Variants in NRXN1 observed in about 807,000 individuals in gnomAD.
The protein encoded by NRXN1 is neurexin-1.
A neutral mutation model predicts 150.9 loss-of-function variants in NRXN1; 39 were observed. The observed-to-expected ratio is 0.26, with a 90% CI of 0.20 to 0.34. NRXN1 has a LOEUF of 0.34. NRXN1 is among the 10% of genes least tolerant of loss of function. The pLI is 1.00. For synonymous variants in NRXN1, 924 were observed against 757.0 expected, an observed-to-expected ratio of 1.22 and a Z score of -3.62; for missense variants, 1,815 against 1,949.9, an observed-to-expected ratio of 0.93 and a Z score of 1.30.
intron 17 of NRXN1, among the ~76,000 whole-genome samples, chr2:50,411,294 C>T (rs964660471): frequency 1.3e-5 from 2 of 152,198 alleles, no homozygotes; most frequent in African/African-American, 4.8e-5. Flanking sequence ...TCCCGAGGTG[C>T]CGGGATTGCA....
intron 18 of NRXN1, among the ~76,000 whole-genome samples, chr2:50,118,627 A>G (rs542346782): frequency 6.6e-6 from 1 of 152,102 alleles, no homozygotes; most frequent in East Asian, 1.9e-4. Context: ...TCTGTGTTTG[A>G]TTTTACTTCC....
At position 50,208,825 on chromosome 2, in the gene NRXN1, A is replaced by G. The variant is rs917069356; in HGVS notation, c.3546+27964T>C. 2.0e-5 allele frequency among the ~76,000 whole-genome samples: 3 copies of G among 152,174 alleles called. No individual in the cohort carries two copies. In the South Asian group the frequency reaches 6.2e-4, roughly 31 times the overall value. ...AAGCTATCTTTCAAAACGTGCTAAC[A>G]TTCTTGCGTTAACACATTTGATGTT... On this transcript the variant is annotated intron_variant, in intron 18 of 22. Coordinates refer to ENST00000401669, the MANE Select transcript of NRXN1 (RefSeq NM_001330078.2).
intron 15 of NRXN1, among the ~76,000 whole-genome samples, chr2:50,479,761 C>CTTTTTCTT (rs2090303110): frequency 2.9e-5 from 2 of 69,002 alleles, no homozygotes; most frequent in African/African-American, 1.1e-4. Flanking sequence ...TAATCCATTT[C>CTTTTTCTT]TTTTTCTTTT....
chr2:50,973,057 G>T (rs1247669714), intron 2 of NRXN1, among the ~76,000 whole-genome samples: 1 of 152,132 alleles, frequency 6.6e-6, no homozygotes, highest in Non-Finnish European at 1.5e-5. Context: ...TGTCTTCCGT[G>T]TCTGTTTTCC....
chr2:50,712,449 T>C (rs1004978156), intron 5 of NRXN1, among the ~76,000 whole-genome samples: 2 of 152,222 alleles, frequency 1.3e-5, no homozygotes, highest in Non-Finnish European at 2.9e-5. Context: ...CAGCTCAGAC[T>C]CTTGCCCAGT....
At chr2:50,817,389 G>A (rs888287061) in intron 5 of NRXN1, among the ~76,000 whole-genome samples, 1 of 151,880 alleles carries the variant, frequency 6.6e-6, no homozygotes, top group Admixed American at 6.6e-5. Flanking sequence ...GAAAAGCCCA[G>A]ATGAGATGGT....
intron 8 of NRXN1, among the ~76,000 whole-genome samples, chr2:50,554,010 T>C (rs1188653278): frequency 6.6e-6 from 1 of 152,178 alleles, no homozygotes; most frequent in Non-Finnish European, 1.5e-5. Flanking sequence ...ATTTCTAAAA[T>C]ACATAGACCA....
At chr2:50,569,184 C>T (rs181377832) in intron 8 of NRXN1, among the ~76,000 whole-genome samples, 1 of 151,908 alleles carries the variant, frequency 6.6e-6, no homozygotes, top group Admixed American at 6.6e-5. Context: ...TTAATGGGAA[C>T]AAAAATATAA....
chr2:50,028,292 T>C (rs1573494371), intron 21 of NRXN1, among the ~76,000 whole-genome samples: 1 of 152,202 alleles, frequency 6.6e-6, no homozygotes, highest in Admixed American at 6.5e-5. Flanking sequence ...GCACATTTCT[T>C]CTTTAAAGAC....
chr2:50,040,409 G>T (rs1166313360), intron 21 of NRXN1, among the ~76,000 whole-genome samples: 1 of 151,318 alleles, frequency 6.6e-6, no homozygotes. Context: ...ATTCACAGGA[G>T]AGAAAAAAGC....
chr2:50,427,553 A>G (rs778558867), intron 17 of NRXN1, among the ~76,000 whole-genome samples: 53 of 152,304 alleles, frequency 3.5e-4, no homozygotes, highest in South Asian at 8.3e-4. Context: ...AGACATCCAC[A>G]AAGTGTGTGG....
At chr2:50,373,294 T>TTA (rs1553512407) in intron 17 of NRXN1, among the ~76,000 whole-genome samples, 21,822 of 140,232 alleles carry the variant, frequency 0.16, 1,893 homozygotes, top group East Asian at 0.28. Context: ...TATTTTATTT[T>TTA]TTATTATTAT....
At chr2:50,668,999 G>A (rs1559100583) in intron 5 of NRXN1, among the ~76,000 whole-genome samples, 2 of 151,966 alleles carry the variant, frequency 1.3e-5, no homozygotes, top group African/African-American at 4.8e-5. Context: ...AGGCCCTCCA[G>A]GTGATGAAGT....
chr2:49,925,356 G>T (rs1002036635), intron 22 of NRXN1, among the ~76,000 whole-genome samples: 1 of 151,638 alleles, frequency 6.6e-6, no homozygotes, highest in Non-Finnish European at 1.5e-5. Context: ...GCAATAACAG[G>T]CCAAAGAGAT....
At chr2:50,836,288 A>G (rs1283427855) in intron 5 of NRXN1, among the ~76,000 whole-genome samples, 1 of 152,110 alleles carries the variant, frequency 6.6e-6, no homozygotes, top group Non-Finnish European at 1.5e-5. Flanking sequence ...GTAATTAACA[A>G]ATCCAATGCT....
At chr2:50,085,724 T>A (rs574720267) in intron 19 of NRXN1, among the ~76,000 whole-genome samples, 1 of 152,164 alleles carries the variant, frequency 6.6e-6, no homozygotes, top group South Asian at 2.1e-4. Context: ...AAATTTTTTT[T>A]ATGTGTTACT....
chr2:50,853,203 C>A (rs1674763807), intron 5 of NRXN1, among the ~76,000 whole-genome samples: 1 of 152,126 alleles, frequency 6.6e-6, no homozygotes, highest in Non-Finnish European at 1.5e-5. Context: ...GAAACTTTTA[C>A]ACATTCTATA....
intron 5 of NRXN1, among the ~76,000 whole-genome samples, chr2:50,785,630 A>T (rs780089693): frequency 2.0e-5 from 3 of 152,064 alleles, no homozygotes; most frequent in Non-Finnish European, 2.9e-5. Flanking sequence ...GGTTTTGTTG[A>T]TAGAAGTAAA....
At chr2:49,998,348 T>A (rs1158212515) in intron 21 of NRXN1, among the ~76,000 whole-genome samples, 1 of 152,194 alleles carries the variant, frequency 6.6e-6, no homozygotes, top group Non-Finnish European at 1.5e-5. Flanking sequence ...CAAATCTTAA[T>A]GCCCATGTAT....
Sources: allele counts gnomAD v4.1 joint callset (sites outside exome capture counted in the v4.1 genomes callset), GRCh38; gene constraint gnomAD v4.1.1; transcripts MANE v1.5; gene names NCBI Gene and HGNC (gene_info 2026-07-23, HGNC 2026-07-21).